The following AFF1 variants were observed in gnomAD, a reference collection of about 807,000 sequenced individuals.
AFF1 encodes AF4/FMR2 family member 1.
AFF1 carries 48 observed loss-of-function variants against 121.7 expected under a neutral mutation model. That is an observed-to-expected ratio of 0.39 (90% CI 0.31 to 0.50). The LOEUF is 0.50. Among genes scored for constraint, AFF1 ranks in the 20% least tolerant of loss-of-function variants. The pLI, the probability that AFF1 is intolerant of heterozygous loss-of-function variation, is 0.76. For synonymous variants in AFF1, 613 were observed against 563.0 expected (o/e 1.09, Z -1.26); for missense variants, 1,523 against 1,511.7 (o/e 1.01, Z -0.12).
In AFF1 at chr4:87,090,068, A is replaced by G. The variant is rs181863506; in HGVS notation, c.1189A>G (p.Lys397Glu). The G allele has an allele frequency of 4.3e-6, 7 of 1,612,564 alleles. No individual in the cohort carries two copies. The East Asian group carries it at 1.6e-4, about 36-fold the overall frequency. ...GCCATCCAAGTTTCCTTTCCCTACA[A>G]AGGTAATTCCTTAAAAGTATGGCAG... ...AEPSKFPFPTKDSQHVSSVTQ... is the reference protein window; with the variant it reads ...AEPSKFPFPTEDSQHVSSVTQ... The change falls in exon 6 of 21, where the codon AAG becomes GAG. Residue 397 changes from lysine (K) to glutamate (E), a missense_variant and splice_region_variant. Lys to Glu is a moderately conservative substitution (Grantham distance 56). Coordinates refer to ENST00000395146, the MANE Select transcript of AFF1 (RefSeq NM_001166693.3).
intron 1 of AFF1, among the ~76,000 whole-genome samples, chr4:86,946,138 A>G (rs1050674331): frequency 4.6e-5 from 7 of 151,540 alleles, no homozygotes; most frequent in Admixed American, 2.6e-4. Flanking sequence ...AGTCCCGAGG[A>G]CCCTTTTCCA....
intron 1 of AFF1, among the ~76,000 whole-genome samples, chr4:86,943,389 C>T (rs895496955): frequency 1.2e-4 from 19 of 152,224 alleles, no homozygotes; most frequent in Admixed American, 1.2e-3. Context: ...TGTCCCATGA[C>T]TTATCCCTAA....
chr4:87,100,478 G>A (rs1003044209), intron 8 of AFF1, among the ~76,000 whole-genome samples: 16 of 152,050 alleles, frequency 1.1e-4, no homozygotes, highest in East Asian at 1.9e-4. Context: ...ACCTGGGGTG[G>A]CCTTTATCAG....
At chr4:87,068,987 C>A (rs1002097892) in intron 4 of AFF1, among the ~76,000 whole-genome samples, 6 of 152,100 alleles carry the variant, frequency 3.9e-5, no homozygotes, top group African/African-American at 1.2e-4. Flanking sequence ...GCTGGAGGTT[C>A]AGGTGGGGAG....
In AFF1 at chr4:87,137,642, C is replaced by T. The variant is rs1729405823; in HGVS notation, c.*1941C>T. On this transcript the variant is annotated 3_prime_UTR_variant, in exon 21 of 21. Coordinates refer to ENST00000395146, the MANE Select transcript of AFF1 (RefSeq NM_001166693.3). Reference sequence around the variant, plus strand: ...CAAAGCCCTGGTCCTTTTTAAACTACTAGTTTTAAAAACCTGTGTTAAATG... The same window carrying T: ...CAAAGCCCTGGTCCTTTTTAAACTATTAGTTTTAAAAACCTGTGTTAAATG... 1 of 232,086 alleles carries T rather than the reference C, an allele frequency of 4.3e-6. No individual in the cohort carries two copies. The highest frequency in any genetic ancestry group is 2.2e-5 in the African/African-American group (1 of 45,250). The allele number at this position is 232,086 out of a possible 1,614,324, so 14.4% of individuals were successfully genotyped here. A position where few individuals can be genotyped will look rare whatever the true frequency, so the allele number is the denominator to read the frequency against.
At chr4:86,981,005 T>TTTTGTTTG (rs3035476) in intron 2 of AFF1, among the ~76,000 whole-genome samples, 5 of 143,656 alleles carry the variant, frequency 3.5e-5, no homozygotes, top group Admixed American at 7.2e-5. Flanking sequence ...CTTAACAGTG[T>TTTTGTTTG]TTTGTTTGTT....
intron 8 of AFF1, among the ~76,000 whole-genome samples, chr4:87,102,046 T>G (rs1434263927): frequency 2.0e-5 from 3 of 149,516 alleles, no homozygotes; most frequent in Non-Finnish European, 1.5e-5. Flanking sequence ...ATGTGGCTCT[T>G]TAAGCTTTGC....
intron 2 of AFF1, chr4:86,974,190 C>T (rs922056228): frequency 6.6e-6 from 1 of 152,196 alleles, no homozygotes; most frequent in Admixed American, 6.5e-5. Flanking sequence ...TTCTGTTGCC[C>T]AGGCTGGAGT....
At chr4:87,132,463 C>A in intron 19 of AFF1, 55 bp downstream of exon 19, 1 of 1,534,658 alleles carries the variant, frequency 6.5e-7, no homozygotes, top group East Asian at 2.4e-5. Context: ...TCTTTATTTA[C>A]TTCTTGCTTT....
chr4:87,022,233 C>T (rs995342843), intron 2 of AFF1, among the ~76,000 whole-genome samples: 1 of 147,572 alleles, frequency 6.8e-6, no homozygotes, highest in African/African-American at 2.5e-5. Context: ...AAAAAAATGC[C>T]ATGCTAAAAA....
intron 2 of AFF1, among the ~76,000 whole-genome samples, chr4:86,959,512 A>G (rs1326982926): frequency 1.4e-5 from 2 of 146,122 alleles, no homozygotes; most frequent in South Asian, 2.1e-4. Context: ...TTTTTTCCCA[A>G]TGTGAGAGAC....
At chr4:87,056,396 A>T (rs1281107960) in intron 4 of AFF1, among the ~76,000 whole-genome samples, 1 of 152,134 alleles carries the variant, frequency 6.6e-6, no homozygotes, top group African/African-American at 2.4e-5. Context: ...ACAACCCCAC[A>T]CTATATTATA....
chr4:87,037,021 A>G (rs779227465), intron 2 of AFF1, among the ~76,000 whole-genome samples: 1 of 152,134 alleles, frequency 6.6e-6, no homozygotes, highest in Non-Finnish European at 1.5e-5. Context: ...CTTTACGCAG[A>G]TGGATCTAAA....
At chr4:86,969,999 A>G (rs992915925) in intron 2 of AFF1, among the ~76,000 whole-genome samples, 3 of 151,994 alleles carry the variant, frequency 2.0e-5, no homozygotes, top group African/African-American at 2.4e-5. Flanking sequence ...AGCTAGAGCT[A>G]TATCTACCTA....
chr4:86,989,307 C>T (rs1162522872), intron 2 of AFF1, among the ~76,000 whole-genome samples: 1 of 152,152 alleles, frequency 6.6e-6, no homozygotes, highest in Non-Finnish European at 1.5e-5. Flanking sequence ...GGGCTAATAT[C>T]CAGAATCTAC....
intron 8 of AFF1, among the ~76,000 whole-genome samples, chr4:87,099,331 G>T (rs1725186704): frequency 6.6e-6 from 1 of 152,190 alleles, no homozygotes; most frequent in South Asian, 2.1e-4. Context: ...CTGGTTATTT[G>T]TACATTTGTA....
At chr4:87,072,694 A>AT (rs572138454) in intron 4 of AFF1, among the ~76,000 whole-genome samples, 2,670 of 151,362 alleles carry the variant, frequency 0.018, 48 homozygotes, top group Middle Eastern at 0.041. Context: ...CGCCTGGCTG[A>AT]TTTTTTTTGT....
intron 2 of AFF1, among the ~76,000 whole-genome samples, chr4:86,965,684 C>A (rs1722488202): frequency 6.6e-6 from 1 of 152,152 alleles, no homozygotes; most frequent in Admixed American, 6.5e-5. Flanking sequence ...TTGGCTCAGT[C>A]AGTCTGCTGG....
intron 2 of AFF1, among the ~76,000 whole-genome samples, chr4:87,042,936 G>C (rs1391317914): frequency 7.2e-5 from 11 of 152,212 alleles, no homozygotes; most frequent in Non-Finnish European, 1.6e-4. Flanking sequence ...CTAATACAAG[G>C]CTGAGTTGAT....
Sources: gnomAD v4.1 joint callset for allele counts (sites outside exome capture counted in the v4.1 genomes callset) on GRCh38, gnomAD v4.1.1 for gene constraint, MANE v1.5 for transcripts, NCBI Gene and HGNC (gene_info 2026-07-23, HGNC 2026-07-21) for gene names.